Variants in ATP9B observed in about 807,000 individuals in gnomAD.
The protein encoded by ATP9B is ATPase phospholipid transporting 9B.
ATP9B carries 110 observed loss-of-function variants against 146.1 expected under a neutral mutation model. That is an observed-to-expected ratio of 0.75 (90% CI 0.65 to 0.88). The LOEUF (loss-of-function observed/expected upper bound fraction) is 0.88. ATP9B is among the 40% of genes least tolerant of loss of function. ATP9B has a pLI of 0.00. For synonymous variants in ATP9B, 604 were observed against 569.7 expected (o/e 1.06, Z -0.86); for missense variants, 1,499 against 1,496.4 (o/e 1.00, Z -0.03).
intron 15 of ATP9B, among the ~76,000 whole-genome samples, chr18:79,320,563 A>G (rs2096709699): frequency 6.6e-6 from 1 of 152,198 alleles, no homozygotes; most frequent in African/African-American, 2.4e-5. Flanking sequence ...CAGTCTCCAT[A>G]ACTGTGTCTG....
At chr18:79,297,692 T>C (rs1012391011) in intron 13 of ATP9B, among the ~76,000 whole-genome samples, 2 of 152,220 alleles carry the variant, frequency 1.3e-5, no homozygotes, top group East Asian at 1.9e-4. Context: ...TTTGTTGCAC[T>C]TTCAAATACA....
intron 25 of ATP9B, among the ~76,000 whole-genome samples, chr18:79,349,010 T>C (rs1378856161): frequency 2.0e-5 from 3 of 152,168 alleles, no homozygotes; most frequent in Non-Finnish European, 4.4e-5. Flanking sequence ...AGCAGCAGTG[T>C]CTTAGAAAAG....
At chr18:79,156,599 T>C (rs1168196878) in intron 7 of ATP9B, among the ~76,000 whole-genome samples, 1 of 152,238 alleles carries the variant, frequency 6.6e-6, no homozygotes, top group Non-Finnish European at 1.5e-5. Flanking sequence ...TCTTTTATGA[T>C]AGCTGGTGTT....
chr18:79,360,939 T>C (rs865907499), intron 26 of ATP9B: 71 of 152,322 alleles, frequency 4.7e-4, no homozygotes, highest in African/African-American at 1.6e-3. Context: ...GGGAAGCTAG[T>C]GTGAATAATG....
chr18:79,255,763 G>T (rs1035322834), intron 12 of ATP9B, among the ~76,000 whole-genome samples: 5 of 152,190 alleles, frequency 3.3e-5, no homozygotes, highest in African/African-American at 1.2e-4. Context: ...GGCACATAGA[G>T]GGGCACATAT....
At chr18:79,263,511 G>T (rs2096167102) in intron 12 of ATP9B, among the ~76,000 whole-genome samples, 1 of 152,200 alleles carries the variant, frequency 6.6e-6, no homozygotes, top group South Asian at 2.1e-4. Context: ...CTGTGAATTA[G>T]TTTTTCCTGT....
At chr18:79,075,499 A>T (rs970510515) in intron 1 of ATP9B, among the ~76,000 whole-genome samples, 1 of 152,182 alleles carries the variant, frequency 6.6e-6, no homozygotes, top group African/African-American at 2.4e-5. Flanking sequence ...TGTTTGGTGC[A>T]TACACATTTG....
At chr18:79,217,464 G>A (rs1458731161) in intron 11 of ATP9B, among the ~76,000 whole-genome samples, 3 of 152,230 alleles carry the variant, frequency 2.0e-5, no homozygotes, top group Non-Finnish European at 2.9e-5. Flanking sequence ...GATTACAGGC[G>A]TGAGCCACTG....
intron 8 of ATP9B, among the ~76,000 whole-genome samples, chr18:79,192,917 C>CA (rs540718318): frequency 3.0e-4 from 45 of 152,298 alleles, no homozygotes; most frequent in African/African-American, 1.0e-3. Flanking sequence ...GCCCCCTGGA[C>CA]AGGCCCCGGG....
intron 7 of ATP9B, among the ~76,000 whole-genome samples, chr18:79,155,159 G>A (rs1018636892): frequency 2.8e-4 from 42 of 152,092 alleles, no homozygotes; most frequent in Admixed American, 1.5e-3. Context: ...GATACAAAAG[G>A]GAGCAACTTT....
chr18:79,081,741 C>T (rs1161574089), intron 1 of ATP9B, among the ~76,000 whole-genome samples: 3 of 151,804 alleles, frequency 2.0e-5, no homozygotes, highest in Admixed American at 2.0e-4. Context: ...GGACCTCACT[C>T]TCTTCTGGCT....
At chr18:79,363,949 TC>T (rs1293669664) in intron 26 of ATP9B, 1 of 152,230 alleles carries the variant, frequency 6.6e-6, no homozygotes, top group Non-Finnish European at 1.5e-5. Flanking sequence ...GCAAGGGAAC[TC>T]GAATTGCCAA....
chr18:79,268,843 T>C (rs1438525792), intron 12 of ATP9B, among the ~76,000 whole-genome samples: 1 of 152,218 alleles, frequency 6.6e-6, no homozygotes, highest in Non-Finnish European at 1.5e-5. Flanking sequence ...GAACTCTCAA[T>C]TCTTGCTTGG....
chr18:79,312,547 G>C (rs2146693848), intron 15 of ATP9B, among the ~76,000 whole-genome samples: 1 of 152,302 alleles, frequency 6.6e-6, no homozygotes, highest in East Asian at 1.9e-4. Context: ...TGTTTTCGCA[G>C]GTTCTGAGTA....
chr18:79,310,483 C>T (rs1260435643), intron 15 of ATP9B, among the ~76,000 whole-genome samples: 1 of 152,224 alleles, frequency 6.6e-6, no homozygotes, highest in East Asian at 1.9e-4. Flanking sequence ...TGGCAAGCAA[C>T]TTTTACTTTA....
intron 5 of ATP9B, among the ~76,000 whole-genome samples, chr18:79,139,356 A>C (rs2094486417): frequency 6.6e-6 from 1 of 152,182 alleles, no homozygotes; most frequent in Non-Finnish European, 1.5e-5. Context: ...AGACTTTGAC[A>C]CAGCTGCAGT....
At chr18:79,160,082 T>G (rs1431042949) in intron 7 of ATP9B, among the ~76,000 whole-genome samples, 1 of 152,220 alleles carries the variant, frequency 6.6e-6, no homozygotes, top group Admixed American at 6.5e-5. Context: ...TCTTGTGATA[T>G]TTTTGTGTCT....
At chr18:79,218,102 G>A (rs2148457421) in intron 11 of ATP9B, among the ~76,000 whole-genome samples, 1 of 152,360 alleles carries the variant, frequency 6.6e-6, no homozygotes, top group South Asian at 2.1e-4. Context: ...GGCTTCCCCA[G>A]CGTTGTGTTT....
intron 7 of ATP9B, among the ~76,000 whole-genome samples, chr18:79,161,838 T>A (rs2094887173): frequency 6.6e-6 from 1 of 152,072 alleles, no homozygotes; most frequent in Non-Finnish European, 1.5e-5. Context: ...AGAGCGAGAC[T>A]CCGTCTCAAA....
Sources: allele counts gnomAD v4.1 joint callset (sites outside exome capture counted in the v4.1 genomes callset), GRCh38; gene constraint gnomAD v4.1.1; transcripts MANE v1.5; gene names NCBI Gene and HGNC (gene_info 2026-07-23, HGNC 2026-07-21).